SPTBN1: variants seen among roughly 807,000 people sequenced by gnomAD.
SPTBN1 encodes spectrin beta chain, non-erythrocytic 1.
In SPTBN1, 32 loss-of-function variants were observed where a neutral mutation model predicts 266.4. The observed-to-expected ratio is 0.12, with a 90% CI of 0.09 to 0.16. The LOEUF (loss-of-function observed/expected upper bound fraction) is 0.16. Ranked by LOEUF, SPTBN1 falls within the 10% of genes least tolerant of loss-of-function variation. The pLI is 1.00. For synonymous variants in SPTBN1, 1,336 were observed against 1,162.2 expected, an observed-to-expected ratio of 1.15 and a Z score of -3.04; for missense variants, 2,296 against 3,067.1, an observed-to-expected ratio of 0.75 and a Z score of 5.94.
chr2:54,547,852 A>G (rs1184903929), intron 2 of SPTBN1, among the ~76,000 whole-genome samples: 1 of 152,228 alleles, frequency 6.6e-6, no homozygotes, highest in Non-Finnish European at 1.5e-5. Context: ...TGTCATTAAA[A>G]TTCTAGTTGT....
At chr2:54,459,527 T>G (rs1339130924) in intron 1 of SPTBN1, among the ~76,000 whole-genome samples, 2 of 152,230 alleles carry the variant, frequency 1.3e-5, no homozygotes, top group African/African-American at 4.8e-5. Flanking sequence ...TGGAAATCAT[T>G]CAGTGTGGAT....
At chr2:54,553,045 C>T (rs1672669931) in intron 2 of SPTBN1, among the ~76,000 whole-genome samples, 1 of 152,160 alleles carries the variant, frequency 6.6e-6, no homozygotes, top group African/African-American at 2.4e-5. Context: ...GCCAGTAGGG[C>T]TTTTGAAAAT....
chr2:54,589,283 G>A (rs1179765461), intron 2 of SPTBN1, among the ~76,000 whole-genome samples: 3 of 152,140 alleles, frequency 2.0e-5, no homozygotes, highest in African/African-American at 4.8e-5. Context: ...TCACCTTGAC[G>A]TACGACTGTG....
chr2:54,525,357 A>T (rs4592889), intron 1 of SPTBN1, among the ~76,000 whole-genome samples: 121,040 of 152,078 alleles, frequency 0.8, 48,606 homozygotes, highest in African/African-American at 0.91. Context: ...GCAATTTTCC[A>T]GCCTTGGCCT....
chr2:54,498,901 A>G (rs1669110550), intron 1 of SPTBN1, among the ~76,000 whole-genome samples: 1 of 152,164 alleles, frequency 6.6e-6, no homozygotes, highest in African/African-American at 2.4e-5. Context: ...GTTTTCACCT[A>G]GTGGTTAAGG....
chr2:54,586,767 C>A (rs1415621240), intron 2 of SPTBN1, among the ~76,000 whole-genome samples: 1 of 152,150 alleles, frequency 6.6e-6, no homozygotes, highest in Admixed American at 6.5e-5. Context: ...ACTTTGACAT[C>A]CTCATTAAAT....
At chr2:54,526,340 C>A (rs1032489491) in intron 1 of SPTBN1, 32 bp from the exon 2 acceptor site, 1 of 1,562,090 alleles carries the variant, frequency 6.4e-7, no homozygotes, top group Non-Finnish European at 8.7e-7. Flanking sequence ...ACACTTCAGA[C>A]GTCTAAATGT....
chr2:54,569,124 C>A (rs1354385818), intron 2 of SPTBN1, among the ~76,000 whole-genome samples: 1 of 152,106 alleles, frequency 6.6e-6, no homozygotes, highest in Admixed American at 6.6e-5. Context: ...GGAGAAAAAA[C>A]ACCTGCTGAA....
At chr2:54,560,098 C>T (rs539299154) in intron 2 of SPTBN1, among the ~76,000 whole-genome samples, 3 of 149,802 alleles carry the variant, frequency 2.0e-5, no homozygotes, top group Admixed American at 6.7e-5. Context: ...CTCTTTGGTT[C>T]ATTTCTCTTG....
intron 17 of SPTBN1, among the ~76,000 whole-genome samples, chr2:54,634,795 G>A (rs17416130): frequency 0.039 from 5,934 of 152,328 alleles, 148 homozygotes; most frequent in Admixed American, 0.087. Context: ...GTTGTTGAAA[G>A]AGTACCAGAA....
intron 8 of SPTBN1, among the ~76,000 whole-genome samples, chr2:54,621,817 A>T (rs1678010191): frequency 1.3e-5 from 2 of 152,142 alleles, no homozygotes; most frequent in African/African-American, 2.4e-5. Flanking sequence ...CATCCTACTT[A>T]CCACAGTTGA....
chr2:54,554,886 A>AT lies in SPTBN1; in HGVS notation c.148+28322dup, dbSNP rs968080743. ...TCTTCCCCTGAGTCTGATAACCCTC[A>AT]TTCACTAGTCTCATCTTCATAGCTT... On this transcript the variant is annotated intron_variant, in intron 2 of 35. Transcript: ENST00000356805. This position sits in a 1 kb window ranked among gnomAD's most constrained non-coding sequence, Gnocchi z 4.5. Among the ~76,000 whole-genome samples, 1 of 152,134 alleles carries AT rather than the reference A, an allele frequency of 6.6e-6. No homozygotes were observed. Among genetic ancestry groups the AT allele is most frequent in the African/African-American group, 2.4e-5 (1 of 41,424 alleles).
At position 54,646,594 on chromosome 2, in the gene SPTBN1, G is replaced by A. The variant is rs1558465829; in HGVS notation, c.4866+119G>A. On this transcript the variant is annotated intron_variant, in intron 23 of 35. Coordinates refer to ENST00000356805, the MANE Select transcript of SPTBN1 (RefSeq NM_003128.3). The surrounding 1 kb of genome is among the most constrained non-coding windows in gnomAD (Gnocchi z 4.4). The stretch of plus-strand genomic sequence containing the variant: ...TTCCCTTGTAGCCTTTGAGTGTTAA[G>A]GGGACACCATGTGCATGAAGGTGTC... The A allele has an allele frequency of 7.5e-6, 9 of 1,206,958 alleles. No homozygotes were observed. The highest frequency in any genetic ancestry group is 7.7e-6 in the Non-Finnish European group (7 of 912,526). 74.8% of individuals were successfully genotyped at this position (1,206,958 alleles called of 1,614,324 possible).
chr2:54,532,937 A>G (rs1408222490), intron 2 of SPTBN1, among the ~76,000 whole-genome samples: 1 of 152,198 alleles, frequency 6.6e-6, no homozygotes, highest in African/African-American at 2.4e-5. Context: ...ATTCATTCTT[A>G]ACATAGACCT....
chr2:54,538,316 C>G (rs925626403), intron 2 of SPTBN1, among the ~76,000 whole-genome samples: 1 of 152,194 alleles, frequency 6.6e-6, no homozygotes, highest in African/African-American at 2.4e-5. Flanking sequence ...CCCAAGCTTG[C>G]ATCTTTGGAT....
rs564567623 is a variant in SPTBN1 at position 54,586,098 on chromosome 2, G to C, written c.149-12994G>C. 4.6e-5 allele frequency among the ~76,000 whole-genome samples: 7 copies of C among 152,166 alleles called. No individual in the cohort carries two copies. In the South Asian group the frequency reaches 1.2e-3, roughly 27 times the overall value. On this transcript the variant is annotated intron_variant, in intron 2 of 35. Coordinates refer to ENST00000356805, the MANE Select transcript of SPTBN1 (RefSeq NM_003128.3). Reference sequence around the variant, plus strand: ...TATAAAATTATACATTTTGTTTTTTGATCTTGTCACAGTTGTTCGTGACTT... The same window carrying C: ...TATAAAATTATACATTTTGTTTTTTCATCTTGTCACAGTTGTTCGTGACTT...
Position 54,612,235 on chromosome 2 carries a change from G to A in SPTBN1, c.375G>A (p.Glu125=). 6.2e-7 allele frequency: 1 copy of A among 1,614,114 alleles called. No individual in the cohort carries two copies. Among genetic ancestry groups the A allele is most frequent in the Non-Finnish European group, 8.5e-7 (1 of 1,179,950 alleles). The part of the protein sequence containing the change: ...NVDKALQFLK[E]QRVHLENMGS... ...ACAAGGCCCTTCAGTTCCTGAAGGA[G>A]CAGAGAGTCCATCTTGAGAACATGG... is the stretch of plus-strand genomic sequence containing the variant. The change falls in exon 4 of 36, where the codon GAG becomes GAA. Residue 125 remains glutamate (E), a synonymous_variant. Coordinates refer to ENST00000356805, the MANE Select transcript of SPTBN1 (RefSeq NM_003128.3).
chr2:54,616,364 CT>C, intron 5 of SPTBN1, 66 bp downstream of exon 5: 1 of 1,411,470 alleles, frequency 7.1e-7, no homozygotes, highest in Non-Finnish European at 9.9e-7. Context: ...GCAGTCATCA[CT>C]TAGAAGGTGT....
chr2:54,668,188 C>G (rs751397209), intron 35 of SPTBN1, among the ~76,000 whole-genome samples, 163 bp from the exon 36 acceptor site: 16 of 152,160 alleles, frequency 1.1e-4, no homozygotes, highest in Non-Finnish European at 2.4e-4. Context: ...GAACCAGGTT[C>G]CCTCTCCTGT....
Sources: allele counts gnomAD v4.1 joint callset (sites outside exome capture counted in the v4.1 genomes callset), GRCh38; gene constraint gnomAD v4.1.1; non-coding constraint Gnocchi (gnomAD v3.1); transcripts MANE v1.5; gene names NCBI Gene and HGNC (gene_info 2026-07-23, HGNC 2026-07-21).